The following ZBTB7C variants were observed in gnomAD, a reference collection of about 807,000 sequenced individuals.
ZBTB7C encodes the protein zinc finger and BTB domain containing 7C, also known as zinc finger and BTB domain-containing protein 7C.
In ZBTB7C, 8 loss-of-function variants were observed where a neutral mutation model predicts 25.7. That is an observed-to-expected ratio of 0.31 (90% CI 0.18 to 0.56). ZBTB7C has a LOEUF of 0.56. Among genes scored for constraint, ZBTB7C ranks in the 20% least tolerant of loss-of-function variants. ZBTB7C has a pLI of 0.91. For synonymous variants in ZBTB7C, 394 were observed against 369.0 expected (o/e 1.07, Z -0.78); for missense variants, 824 against 855.2 (o/e 0.96, Z 0.46).
intron 2 of ZBTB7C, among the ~76,000 whole-genome samples, chr18:48,187,673 T>C (rs1254143774): frequency 6.6e-6 from 1 of 151,666 alleles, no homozygotes; most frequent in African/African-American, 2.4e-5. Flanking sequence ...CACAAAACTT[T>C]AGTCGGGTGT....
At chr18:48,276,124 T>C (rs1205951149) in intron 2 of ZBTB7C, among the ~76,000 whole-genome samples, 1 of 152,044 alleles carries the variant, frequency 6.6e-6, no homozygotes, top group Admixed American at 6.5e-5. Context: ...TCAGATTTTA[T>C]AACCTGAGGT....
At chr18:48,107,383 G>C (rs1199070963) in intron 3 of ZBTB7C, among the ~76,000 whole-genome samples, 4 of 151,346 alleles carry the variant, frequency 2.6e-5, no homozygotes, top group African/African-American at 9.7e-5. Context: ...GAGAGGAGAG[G>C]TGGGAGAAGG....
At chr18:48,283,992 C>A (rs542123023) in intron 2 of ZBTB7C, among the ~76,000 whole-genome samples, 1 of 152,076 alleles carries the variant, frequency 6.6e-6, no homozygotes, top group South Asian at 2.1e-4. Flanking sequence ...ACTAAAAATA[C>A]AGAAATTTGC....
At chr18:48,341,129 T>C (rs2144972274) in intron 1 of ZBTB7C, among the ~76,000 whole-genome samples, 1 of 152,368 alleles carries the variant, frequency 6.6e-6, no homozygotes, top group Non-Finnish European at 1.5e-5. Context: ...ATTCGTTTGC[T>C]CACTTGTTTA....
At chr18:48,095,159 A>G (rs2144576984) in intron 3 of ZBTB7C, among the ~76,000 whole-genome samples, 1 of 152,290 alleles carries the variant, frequency 6.6e-6, no homozygotes, top group South Asian at 2.1e-4. Flanking sequence ...ATGCATCAGA[A>G]CTTAGACACA....
intron 3 of ZBTB7C, among the ~76,000 whole-genome samples, chr18:48,057,529 A>G (rs1598796874): frequency 6.6e-6 from 1 of 152,240 alleles, no homozygotes; most frequent in East Asian, 1.9e-4. Context: ...TGCATGAATT[A>G]AACTGTTAGA....
At chr18:48,184,872 A>G (rs1340222497) in intron 3 of ZBTB7C, among the ~76,000 whole-genome samples, 1 of 152,046 alleles carries the variant, frequency 6.6e-6, no homozygotes, top group Non-Finnish European at 1.5e-5. Flanking sequence ...TCTCTCTGAG[A>G]CAAAGGGAGT....
In ZBTB7C at chr18:48,097,382, G is replaced by GTTGTTA. The variant is rs10651143; in HGVS notation, c.-16-56260_-16-56259insTAACAA. On this transcript the variant is annotated intron_variant, in intron 3 of 4. Coordinates refer to ENST00000590800, the MANE Select transcript of ZBTB7C (RefSeq NM_001318841.2). ...AAAGACAACTTTTATTATTGTTGTT[G>GTTGTTA]TTATTATTATTATTATTATTATTAT... Among the ~76,000 whole-genome samples the GTTGTTA allele has an allele frequency of 9.6e-3, 1,398 of 144,960 alleles. 18 individuals are homozygous for GTTGTTA. Among genetic ancestry groups the GTTGTTA allele is most frequent in the South Asian group, 0.026 (115 of 4,368 alleles).
intron 3 of ZBTB7C, among the ~76,000 whole-genome samples, chr18:48,071,158 C>T (rs534264110): frequency 7.1e-4 from 108 of 152,280 alleles, no homozygotes; most frequent in Non-Finnish European, 1.2e-3. Context: ...ACATCCTTTA[C>T]ACAAAGGCAC....
chr18:48,136,398 G>A (rs1178205922), intron 3 of ZBTB7C, among the ~76,000 whole-genome samples: 2 of 152,184 alleles, frequency 1.3e-5, no homozygotes, highest in Non-Finnish European at 2.9e-5. Context: ...TTGAGCCCAG[G>A]GACCTGACAG....
chr18:48,055,983 C>G (rs745406352), intron 3 of ZBTB7C, among the ~76,000 whole-genome samples: 1 of 152,058 alleles, frequency 6.6e-6, no homozygotes, highest in Non-Finnish European at 1.5e-5. Context: ...TTTGAAGTCT[C>G]AAGATCAGAA....
chr18:48,030,290 G>T (rs2035688132), intron 4 of ZBTB7C, among the ~76,000 whole-genome samples: 1 of 152,142 alleles, frequency 6.6e-6, no homozygotes, highest in African/African-American at 2.4e-5. Context: ...GCTGATACTG[G>T]ACTGCACTTT....
At chr18:48,165,322 G>A (rs927443036) in intron 3 of ZBTB7C, 19 of 435,058 alleles carry the variant, frequency 4.4e-5, no homozygotes, top group Admixed American at 4.9e-5. Context: ...ACACTCCGAC[G>A]TAGCCCGTCC....
chr18:48,268,452 A>G (rs1241765330), intron 2 of ZBTB7C, among the ~76,000 whole-genome samples: 1 of 152,220 alleles, frequency 6.6e-6, no homozygotes, highest in Non-Finnish European at 1.5e-5. Context: ...ATAACTAAGA[A>G]GAACTTGATT....
At position 48,073,172 on chromosome 18, in the gene ZBTB7C, C is replaced by T. The variant is rs145937790; in HGVS notation, c.-16-32049G>A. On this transcript the variant is annotated intron_variant, in intron 3 of 4. Coordinates refer to ENST00000590800, the MANE Select transcript of ZBTB7C (RefSeq NM_001318841.2). ...ACGTCGCAATTAAACTGGACTTGTCCGACTTCGCTTTCTTTCTTGTCCCCT... is the reference window on the plus strand; with the variant it reads ...ACGTCGCAATTAAACTGGACTTGTCTGACTTCGCTTTCTTTCTTGTCCCCT... 3.4e-3 allele frequency among the ~76,000 whole-genome samples: 511 copies of T among 152,250 alleles called. 2 individuals are homozygous for T. Among genetic ancestry groups the T allele is most frequent in the Non-Finnish European group, 5.0e-3 (337 of 68,010 alleles).
At chr18:48,314,023 C>T (rs2045886721) in intron 2 of ZBTB7C, among the ~76,000 whole-genome samples, 1 of 152,160 alleles carries the variant, frequency 6.6e-6, no homozygotes. Context: ...TCACCACCTG[C>T]CTCACCAGAA....
In ZBTB7C at chr18:48,210,415, T is replaced by A. The variant is rs12965658; in HGVS notation, c.-78-24420A>T. ...AAAAGTGGAAACAAATGTCCATCAATTGATGAATGAATGAACGAATGAATA... is the reference window on the plus strand; with the variant it reads ...AAAAGTGGAAACAAATGTCCATCAAATGATGAATGAATGAACGAATGAATA... On this transcript the variant is annotated intron_variant, in intron 2 of 4. Transcript: ENST00000590800. Among the ~76,000 whole-genome samples the A allele has an allele frequency of 7.0e-3, 1,061 of 152,270 alleles. 8 individuals carry two copies. Among genetic ancestry groups the A allele is most frequent in the Middle Eastern group, 0.048 (14 of 294 alleles).
Position 48,127,646 on chromosome 18 carries a change from C to G in ZBTB7C, c.-17+58288G>C, listed in dbSNP as rs560564589. Among the ~76,000 whole-genome samples the G allele has an allele frequency of 3.9e-5, 6 of 152,320 alleles. No homozygotes were observed. The South Asian group carries it at 1.0e-3, about 26-fold the overall frequency. On this transcript the variant is annotated intron_variant, in intron 3 of 4. Coordinates refer to ENST00000590800, the MANE Select transcript of ZBTB7C (RefSeq NM_001318841.2). Reference sequence around the variant, plus strand: ...GCCCCACTGTTCTCCCCTCGGTTCTCCCCACGTGAGGCTCACTCGACCTTT... The same window carrying G: ...GCCCCACTGTTCTCCCCTCGGTTCTGCCCACGTGAGGCTCACTCGACCTTT...
intron 3 of ZBTB7C, among the ~76,000 whole-genome samples, chr18:48,106,780 T>C (rs1481278813): frequency 7.2e-6 from 1 of 139,374 alleles, no homozygotes; most frequent in Non-Finnish European, 1.5e-5. Flanking sequence ...CAGCTTGCAA[T>C]AAAACCATCT....
Sources: allele counts gnomAD v4.1 joint callset (sites outside exome capture counted in the v4.1 genomes callset), GRCh38; gene constraint gnomAD v4.1.1; transcripts MANE v1.5; gene names NCBI Gene and HGNC (gene_info 2026-07-23, HGNC 2026-07-21).